Variants in SEZ6L observed in about 807,000 individuals in gnomAD.
The protein encoded by SEZ6L is seizure related 6 homolog like, also known as seizure 6-like protein.
Under a neutral mutation model 106.2 loss-of-function variants are expected in SEZ6L, and 37 were observed. The ratio of observed to expected loss-of-function variants is 0.35; its 90% CI spans 0.27 to 0.46. SEZ6L has a LOEUF of 0.46. SEZ6L is among the 20% of genes least tolerant of loss of function. The pLI, the probability that SEZ6L is intolerant of heterozygous loss-of-function variation, is 1.00. For synonymous variants in SEZ6L, 541 were observed against 570.4 expected, an observed-to-expected ratio of 0.95 and a Z score of 0.73; for missense variants, 1,172 against 1,332.8, an observed-to-expected ratio of 0.88 and a Z score of 1.88.
intron 1 of SEZ6L, among the ~76,000 whole-genome samples, chr22:26,227,743 G>A (rs2078676992): frequency 6.6e-6 from 1 of 152,172 alleles, no homozygotes; most frequent in African/African-American, 2.4e-5. Flanking sequence ...GATTATGAGT[G>A]ATTGGGTCTG....
chr22:26,296,772 T>A, intron 3 of SEZ6L, 116 bp from the exon 4 acceptor site: 1 of 855,802 alleles, frequency 1.2e-6, no homozygotes, highest in Non-Finnish European at 1.7e-6. Context: ...AGGGGTCCCG[T>A]TGACCAGGGG....
At chr22:26,309,146 A>G (rs1450759476) in intron 6 of SEZ6L, among the ~76,000 whole-genome samples, 1 of 152,226 alleles carries the variant, frequency 6.6e-6, no homozygotes, top group African/African-American at 2.4e-5. Flanking sequence ...AGGCTTAAAA[A>G]TGTGTGTTTA....
Position 26,311,751 on chromosome 22 carries a change from CTCTT to C in SEZ6L, c.1682-14_1682-11del. On this transcript the variant is annotated splice_polypyrimidine_tract_variant and intron_variant, in intron 7 of 16. Coordinates refer to ENST00000248933, the MANE Select transcript of SEZ6L (RefSeq NM_021115.5). ...CCCTGCATCATCTGAACTGCTGCCT[CTCTT>C]TCCCTTCCTCAGCGTTTGAGAAAGG... 1 of 1,611,414 alleles carries C rather than the reference CTCTT, an allele frequency of 6.2e-7. No homozygotes were observed. Among genetic ancestry groups the C allele is most frequent in the Non-Finnish European group, 8.5e-7 (1 of 1,177,586 alleles).
intron 5 of SEZ6L, 57 bp downstream of exon 5, chr22:26,299,226 C>G: frequency 1.5e-6 from 2 of 1,291,292 alleles, no homozygotes; most frequent in Non-Finnish European, 9.9e-7. Flanking sequence ...GGGGAAAGAC[C>G]AACCTGTAGG....
chr22:26,318,500 C>T (rs1162371186), intron 9 of SEZ6L, among the ~76,000 whole-genome samples: 1 of 151,692 alleles, frequency 6.6e-6, no homozygotes, highest in Non-Finnish European at 1.5e-5. Flanking sequence ...AGGGTTTAAG[C>T]TCCCTTCTCA....
At chr22:26,310,490 C>T (rs1326440090) in intron 6 of SEZ6L, among the ~76,000 whole-genome samples, 180 bp from the exon 7 acceptor site, 4 of 152,024 alleles carry the variant, frequency 2.6e-5, no homozygotes, top group African/African-American at 7.2e-5. Flanking sequence ...GAGCCAAGAT[C>T]GCACCATTGA....
At chr22:26,291,990 A>G (rs1408152545) in intron 1 of SEZ6L, among the ~76,000 whole-genome samples, 5 of 83,394 alleles carry the variant, frequency 6.0e-5, no homozygotes, top group Admixed American at 5.0e-4. Flanking sequence ...GAAGGAAGGA[A>G]GGAAGGAAGG....
chr22:26,332,095 TAAC>T (rs1463129906), intron 9 of SEZ6L, among the ~76,000 whole-genome samples: 2 of 151,930 alleles, frequency 1.3e-5, no homozygotes, highest in African/African-American at 4.8e-5. Context: ...TGACGATAGT[TAAC>T]AATAATTTGT....
At chr22:26,245,396 C>T (rs1233261809) in intron 1 of SEZ6L, among the ~76,000 whole-genome samples, 1 of 152,044 alleles carries the variant, frequency 6.6e-6, no homozygotes, top group African/African-American at 2.4e-5. Flanking sequence ...CCAGGCAGCC[C>T]TTGAATTCCC....
intron 9 of SEZ6L, among the ~76,000 whole-genome samples, chr22:26,332,415 G>T (rs562622410): frequency 6.6e-5 from 10 of 151,662 alleles, no homozygotes; most frequent in Middle Eastern, 3.4e-3. Context: ...CTCCCAAAGT[G>T]CTGGGATTAA....
chr22:26,316,902 G>GAAGAAAGA, intron 9 of SEZ6L, among the ~76,000 whole-genome samples: 2 of 126,724 alleles, frequency 1.6e-5, no homozygotes, highest in South Asian at 2.7e-4. Flanking sequence ...GAGAAAGAAA[G>GAAGAAAGA]AAGAAAGAAA....
chr22:26,380,089 G>C (rs781284906), intron 16 of SEZ6L, among the ~76,000 whole-genome samples, 177 bp from the exon 17 acceptor site: 4 of 152,230 alleles, frequency 2.6e-5, no homozygotes, highest in Non-Finnish European at 5.9e-5. Flanking sequence ...TCAAGCAGCT[G>C]TTGTACGCCA....
intron 1 of SEZ6L, among the ~76,000 whole-genome samples, chr22:26,212,795 A>C (rs1297642158): frequency 6.6e-6 from 1 of 152,150 alleles, no homozygotes; most frequent in East Asian, 1.9e-4. Flanking sequence ...AAGAGTGAGA[A>C]GCTGGAGATG....
rs144522832 is a variant in SEZ6L, at chr22:26,318,262, T to A, written c.2015+4360T>A. Among the ~76,000 whole-genome samples the A allele has an allele frequency of 4.8e-3, 726 of 152,020 alleles. 12 individuals carry two copies. The East Asian group carries it at 0.059, about 12-fold the overall frequency. On this transcript the variant is annotated intron_variant, in intron 9 of 16. Transcript: ENST00000248933. ...CTAATTTTTGTATTTTTAATAGAGA[T>A]GGGGTTTCACCATGTTGGCCAGGCT...
intron 12 of SEZ6L, among the ~76,000 whole-genome samples, chr22:26,354,997 C>T (rs182155076): frequency 6.6e-6 from 1 of 152,222 alleles, no homozygotes; most frequent in African/African-American, 2.4e-5. Flanking sequence ...AGAGATGGTC[C>T]GATTCTGGCA....
intron 6 of SEZ6L, among the ~76,000 whole-genome samples, chr22:26,310,360 A>G (rs1291037308): frequency 2.6e-5 from 4 of 152,130 alleles, no homozygotes; most frequent in Non-Finnish European, 5.9e-5. Context: ...ACATGGTGAA[A>G]CCCCATCTCT....
At chr22:26,223,502 C>T (rs1294540114) in intron 1 of SEZ6L, among the ~76,000 whole-genome samples, 1 of 152,102 alleles carries the variant, frequency 6.6e-6, no homozygotes, top group Admixed American at 6.5e-5. Context: ...CCTCAGCCTC[C>T]CCTTCAGTGG....
intron 1 of SEZ6L, among the ~76,000 whole-genome samples, chr22:26,228,345 C>T (rs1016596076): frequency 6.6e-6 from 1 of 152,014 alleles, no homozygotes; most frequent in Non-Finnish European, 1.5e-5. Context: ...TGTGGTCGGG[C>T]GAGGTTAATG....
At chr22:26,236,305 C>T (rs2078956860) in intron 1 of SEZ6L, among the ~76,000 whole-genome samples, 1 of 152,176 alleles carries the variant, frequency 6.6e-6, no homozygotes, top group South Asian at 2.1e-4. Flanking sequence ...CAGAGGGGGA[C>T]CGACCCTCTA....
Sources: gnomAD v4.1 joint callset for allele counts (sites outside exome capture counted in the v4.1 genomes callset) on GRCh38, gnomAD v4.1.1 for gene constraint, MANE v1.5 for transcripts, NCBI Gene and HGNC (gene_info 2026-07-23, HGNC 2026-07-21) for gene names.